Variants in FHIT observed in about 807,000 individuals in gnomAD.
The protein encoded by FHIT is fragile histidine triad diadenosine triphosphatase.
FHIT carries 19 observed loss-of-function variants against 17.9 expected under a neutral mutation model. The observed-to-expected ratio is 1.06, with a 90% CI of 0.74 to 1.56. The LOEUF is 1.56. Among genes scored for constraint, FHIT ranks in the 40% most tolerant of loss-of-function variants. FHIT has a pLI of 0.00. For missense variants in FHIT, 248 were observed against 189.2 expected (o/e 1.31, Z -1.82); for synonymous variants, 81 against 69.7 (o/e 1.16, Z -0.81).
chr3:61,094,960 A>T (rs2035594325), intron 2 of FHIT, among the ~76,000 whole-genome samples: 3 of 152,196 alleles, frequency 2.0e-5, no homozygotes, highest in Admixed American at 2.0e-4. Flanking sequence ...ACCACAGTTG[A>T]CCATGGTTAA....
intron 2 of FHIT, among the ~76,000 whole-genome samples, chr3:61,109,310 A>T (rs966209447): frequency 2.0e-5 from 3 of 152,194 alleles, no homozygotes; most frequent in Non-Finnish European, 2.9e-5. Context: ...CCAAGCTAAG[A>T]ATCCAAGAAT....
chr3:60,183,923 C>A (rs1313954557), intron 5 of FHIT, among the ~76,000 whole-genome samples: 5 of 152,152 alleles, frequency 3.3e-5, no homozygotes, highest in African/African-American at 4.8e-5. Context: ...TTATTAGCAA[C>A]TTCCATATAT....
chr3:59,757,187 T>C (rs1701262964), intron 8 of FHIT, among the ~76,000 whole-genome samples: 1 of 152,180 alleles, frequency 6.6e-6, no homozygotes, highest in Admixed American at 6.5e-5. Context: ...CTTTGTTCTT[T>C]AGAGGAAAGT....
At chr3:60,977,147 C>T (rs1710290508) in intron 3 of FHIT, among the ~76,000 whole-genome samples, 1 of 152,162 alleles carries the variant, frequency 6.6e-6, no homozygotes, top group Non-Finnish European at 1.5e-5. Flanking sequence ...TTCTGCTTCA[C>T]AGATCATTCA....
intron 5 of FHIT, among the ~76,000 whole-genome samples, chr3:60,033,144 A>T (rs1268535477): frequency 1.3e-5 from 2 of 152,330 alleles, no homozygotes; most frequent in East Asian, 3.9e-4. Flanking sequence ...ATAAAAAGAC[A>T]TTTTAAAACA....
chr3:60,374,554 T>A (rs934019621), intron 5 of FHIT, among the ~76,000 whole-genome samples: 1 of 150,732 alleles, frequency 6.6e-6, no homozygotes, highest in Admixed American at 6.7e-5. Flanking sequence ...CACCCCAGAT[T>A]TTTTATATGC....
At chr3:59,987,542 A>G (rs958353347) in intron 7 of FHIT, among the ~76,000 whole-genome samples, 1 of 152,064 alleles carries the variant, frequency 6.6e-6, no homozygotes, top group Non-Finnish European at 1.5e-5. Flanking sequence ...ATGAAGGCAA[A>G]CTGTATTAAG....
At chr3:61,025,044 G>C (rs1463765440) in intron 3 of FHIT, among the ~76,000 whole-genome samples, 3 of 151,094 alleles carry the variant, frequency 2.0e-5, no homozygotes, top group African/African-American at 7.3e-5. Flanking sequence ...TCCATTTCCA[G>C]TTAGACATTG....
chr3:60,505,842 A>G (rs2034706932), intron 5 of FHIT, among the ~76,000 whole-genome samples: 1 of 152,158 alleles, frequency 6.6e-6, no homozygotes, highest in South Asian at 2.1e-4. Context: ...CTCTTTCCAA[A>G]TTCTGACAAC....
At chr3:60,351,226 T>C (rs932508794) in intron 5 of FHIT, among the ~76,000 whole-genome samples, 7 of 152,246 alleles carry the variant, frequency 4.6e-5, no homozygotes, top group Non-Finnish European at 1.0e-4. Context: ...TACCCCTTAA[T>C]GTTAATTAAC....
At chr3:59,835,844 C>A (rs950961514) in intron 8 of FHIT, among the ~76,000 whole-genome samples, 2 of 152,094 alleles carry the variant, frequency 1.3e-5, no homozygotes, top group Non-Finnish European at 2.9e-5. Flanking sequence ...GAATTGAATA[C>A]TGGATGATTA....
At chr3:60,870,265 A>G (rs2070817630) in intron 3 of FHIT, among the ~76,000 whole-genome samples, 1 of 292 alleles carries the variant, frequency 3.4e-3, no homozygotes, top group Admixed American at 0.17. Flanking sequence ...ACACAAAGAA[A>G]AAAAAAAACA....
chr3:60,375,816 C>A (rs1002541176), intron 5 of FHIT, among the ~76,000 whole-genome samples: 6 of 152,000 alleles, frequency 3.9e-5, no homozygotes, highest in African/African-American at 1.5e-4. Flanking sequence ...TTCCCAGATC[C>A]TATAGATGCA....
chr3:61,166,441 A>G (rs1316918323), intron 2 of FHIT, among the ~76,000 whole-genome samples: 1 of 152,236 alleles, frequency 6.6e-6, no homozygotes. Flanking sequence ...AGAGTAAAAT[A>G]GACCTGACAT....
rs6779785 is a variant in FHIT at position 60,304,643 on chromosome 3, A to G, written c.103+232217T>C. Among the ~76,000 whole-genome samples the G allele has an allele frequency of 8.3e-3, 1,258 of 152,084 alleles. 18 individuals are homozygous for G. Among genetic ancestry groups the G allele is most frequent in the African/African-American group, 0.029 (1,190 of 41,558 alleles). On this transcript the variant is annotated intron_variant, in intron 5 of 9. Transcript: ENST00000492590. ...TTAATCTTTAGATAAATAATAAAAC[A>G]GTTTTAGTATATGTGCCATATATTG...
intron 3 of FHIT, among the ~76,000 whole-genome samples, chr3:61,016,994 T>C (rs1036578292): frequency 2.8e-5 from 4 of 144,008 alleles, no homozygotes; most frequent in South Asian, 2.2e-4. Context: ...CAACTAAAAA[T>C]AAAATACAGA....
At chr3:61,228,902 T>A (rs185081449) in intron 1 of FHIT, among the ~76,000 whole-genome samples, 29 of 152,252 alleles carry the variant, frequency 1.9e-4, no homozygotes, top group African/African-American at 6.0e-4. Flanking sequence ...CTATACAAGG[T>A]ACCATGCAAG....
intron 3 of FHIT, among the ~76,000 whole-genome samples, chr3:60,830,439 AAGGTACCATTAG>A (rs1471192062): frequency 6.6e-6 from 1 of 152,182 alleles, no homozygotes; most frequent in Non-Finnish European, 1.5e-5. Context: ...AGTGAAATAT[AAGGTACCATTAG>A]AGATTTCTCT....
At chr3:60,525,400 G>A (rs241706) in intron 5 of FHIT, among the ~76,000 whole-genome samples, 60,686 of 151,784 alleles carry the variant, frequency 0.4, 12,470 homozygotes, top group South Asian at 0.53. Context: ...TCTAAGAATT[G>A]AAGGGATCAC....
Sources: gnomAD v4.1 joint callset for allele counts (sites outside exome capture counted in the v4.1 genomes callset) on GRCh38, gnomAD v4.1.1 for gene constraint, MANE v1.5 for transcripts, NCBI Gene and HGNC (gene_info 2026-07-23, HGNC 2026-07-21) for gene names.